Variants in PCDHGC4 observed in about 807,000 individuals in gnomAD.
The protein encoded by PCDHGC4 is protocadherin gamma-C4.
PCDHGC4 carries 15 observed loss-of-function variants against 59.7 expected under a neutral mutation model. The ratio of observed to expected loss-of-function variants is 0.25; its 90% CI spans 0.17 to 0.39. The LOEUF is 0.39. PCDHGC4 is among the 10% of genes least tolerant of loss of function. The pLI, the probability that PCDHGC4 is intolerant of heterozygous loss-of-function variation, is 1.00. For synonymous variants in PCDHGC4, 434 were observed against 481.4 expected (o/e 0.90, Z 1.29); for missense variants, 1,016 against 1,189.5 (o/e 0.85, Z 2.15).
chr5:141,490,576 G>T lies in PCDHGC4; in HGVS notation c.2442+2961G>T. On this transcript the variant is annotated intron_variant, in intron 1 of 3. Transcript: ENST00000306593. The surrounding 1 kb of genome is among the most constrained non-coding windows in gnomAD (Gnocchi z 5.4). ...TCTCACCATCAGGCTCAACATTTCA[G>T]ATGTCAATGACAATGCACCCCGCTT... 2.5e-6 allele frequency: 4 copies of T among 1,614,134 alleles called. No homozygotes were observed. The highest frequency in any genetic ancestry group is 3.4e-6 in the Non-Finnish European group (4 of 1,180,030).
At chr5:141,504,995 G>A (rs1214858212) in intron 2 of PCDHGC4, among the ~76,000 whole-genome samples, 6 of 151,980 alleles carry the variant, frequency 3.9e-5, no homozygotes, top group African/African-American at 1.5e-4. Context: ...AACCCCGTCT[G>A]TACTAAAAAT....
In PCDHGC4 at chr5:141,489,223, C is replaced by T. The variant is rs771455540; in HGVS notation, c.2442+1608C>T. The T allele has an allele frequency of 6.6e-7, 1 of 1,515,444 alleles. No homozygotes were observed. The highest frequency in any genetic ancestry group is 1.3e-5 in the South Asian group (1 of 75,776). 93.9% of individuals were successfully genotyped at this position (1,515,444 alleles called of 1,614,324 possible). A position where few individuals can be genotyped will look rare whatever the true frequency, so the allele number is the denominator to read the frequency against. The stretch of plus-strand genomic sequence containing the variant: ...CAGGACAGCACAGACTTACTCTCCA[C>T]AAAGGGACTTCTGGGTCATGGGGCC... On this transcript the variant is annotated intron_variant, in intron 1 of 3. Coordinates refer to ENST00000306593, the MANE Select transcript of PCDHGC4 (RefSeq NM_018928.3). The surrounding 1 kb of genome is among the most constrained non-coding windows in gnomAD (Gnocchi z 4.5).
chr5:141,499,073 G>T (rs2099789305), intron 2 of PCDHGC4, among the ~76,000 whole-genome samples: 1 of 152,064 alleles, frequency 6.6e-6, no homozygotes, highest in Admixed American at 6.5e-5. Flanking sequence ...CTTACATTCT[G>T]AAGTTCCTGC....
intron 3 of PCDHGC4, among the ~76,000 whole-genome samples, chr5:141,510,272 TAAAAAA>T (rs546154379): frequency 7.7e-6 from 1 of 130,390 alleles, no homozygotes; most frequent in Non-Finnish European, 1.6e-5. Context: ...GACTCCATCT[TAAAAAA>T]AAAAAAAAAA....
intron 1 of PCDHGC4, among the ~76,000 whole-genome samples, chr5:141,494,361 G>A (rs1311268562): frequency 6.6e-6 from 1 of 152,184 alleles, no homozygotes; most frequent in African/African-American, 2.4e-5. Flanking sequence ...TGCTGCAGAG[G>A]ATGCTTTGTT....
Position 141,487,642 on chromosome 5 carries a change from G to A in PCDHGC4, c.2442+27G>A, listed in dbSNP as rs747328649. 1.2e-6 allele frequency: 2 copies of A among 1,614,130 alleles called. No individual in the cohort carries two copies. The highest frequency in any genetic ancestry group is 1.3e-5 in the African/African-American group (1 of 75,062). On this transcript the variant is annotated intron_variant, in intron 1 of 3. Transcript: ENST00000306593. This position sits in a 1 kb window ranked among gnomAD's most constrained non-coding sequence, Gnocchi z 5.0. ...TGAGACCTTTGCAGGCTCAACAAAT[G>A]CTTGAGGGTTATTCTGATCCAGGCA...
Position 141,486,683 on chromosome 5 carries a change from G to T in PCDHGC4, c.1510G>T (p.Ala504Ser). The T allele has an allele frequency of 6.2e-7, 1 of 1,614,092 alleles. No homozygotes were observed. Among genetic ancestry groups the T allele is most frequent in the Non-Finnish European group, 8.5e-7 (1 of 1,180,026 alleles). ...GGAGCCCAGGAATCGAGATGTATCA[G>T]CTTCCTCTTTCATCTCTCTGAACCC... ...LLEPRNRDVSASSFISLNPQT... is the reference protein window; with the variant it reads ...LLEPRNRDVSSSSFISLNPQT... The change falls in exon 1 of 4, where the codon GCT (alanine) becomes TCT (serine). Residue 504 changes from alanine (A) to serine (S), a missense_variant. Transcript: ENST00000306593. This position sits in a 1 kb window ranked among gnomAD's most constrained non-coding sequence, Gnocchi z 5.0.
chr5:141,485,239 C>T lies in PCDHGC4; in HGVS notation c.66C>T (p.Tyr22=). ...GGGCTACCCTTTTGTTCCTCTTTTA[C>T]CACCTGGGTTACGTTTGTGGGCAGA... The part of the protein sequence containing the change: ...WRWATLLFLF[Y]HLGYVCGQIR... Residue 22 remains tyrosine (Y), a synonymous_variant, in exon 1 of 4, where the codon TAC becomes TAT. Transcript: ENST00000306593. This position sits in a 1 kb window ranked among gnomAD's most constrained non-coding sequence, Gnocchi z 5.7. The T allele has an allele frequency of 6.2e-7, 1 of 1,614,140 alleles. No homozygotes were observed. Among genetic ancestry groups the T allele is most frequent in the South Asian group, 1.1e-5 (1 of 91,072 alleles).
At chr5:141,507,432 C>T (rs2099860585) in intron 3 of PCDHGC4, 1 of 152,198 alleles carries the variant, frequency 6.6e-6, no homozygotes. Flanking sequence ...GGGGCCAGGC[C>T]TACAGCTGAC....
chr5:141,505,645 G>A (rs997169182), intron 3 of PCDHGC4, 164 bp downstream of exon 3: 2 of 964,274 alleles, frequency 2.1e-6, no homozygotes, highest in African/African-American at 1.8e-5. Flanking sequence ...GCCTGGAATT[G>A]TGGCTAAGGA....
chr5:141,485,543 G>C lies in PCDHGC4; in HGVS notation c.370G>C (p.Val124Leu). 1.9e-6 allele frequency: 3 copies of C among 1,614,092 alleles called. No homozygotes were observed. The highest frequency in any genetic ancestry group is 2.5e-6 in the Non-Finnish European group (3 of 1,179,972). Residue 124 changes from valine to leucine, a missense_variant, in exon 1 of 4, where the codon GTA becomes CTA. Coordinates refer to ENST00000306593, the MANE Select transcript of PCDHGC4 (RefSeq NM_018928.3). This position sits in a 1 kb window ranked among gnomAD's most constrained non-coding sequence, Gnocchi z 5.7. ...LEMYRAEVEI[V>L]DVNDHAPRFP... Reference sequence around the variant, plus strand: ...AATGTACCGAGCAGAGGTAGAGATCGTAGATGTGAATGATCACGCCCCCCG... The same window carrying C: ...AATGTACCGAGCAGAGGTAGAGATCCTAGATGTGAATGATCACGCCCCCCG...
Position 141,485,448 on chromosome 5 carries a change from G to A in PCDHGC4, c.275G>A (p.Arg92Gln). Residue 92 changes from arginine (R) to glutamine (Q), a missense_variant, in exon 1 of 4, where the codon CGA (arginine) becomes CAA (glutamine). By Grantham distance (43) the Arg-to-Gln change is conservative. Coordinates refer to ENST00000306593, the MANE Select transcript of PCDHGC4 (RefSeq NM_018928.3). This position sits in a 1 kb window ranked among gnomAD's most constrained non-coding sequence, Gnocchi z 5.7. ...CTGCTCATCAAGAACCCAATCGACC[G>A]AGAGGCACTGTGTGGGCTCAGTGCC... is the stretch of plus-strand genomic sequence containing the variant. Reference protein sequence around the residue: ...GALLIKNPIDREALCGLSASC... With the variant: ...GALLIKNPIDQEALCGLSASC... 1 of 1,614,154 alleles carries A rather than the reference G, an allele frequency of 6.2e-7. No homozygotes were observed.
Position 141,490,958 on chromosome 5 carries a change from A to T in PCDHGC4, c.2442+3343A>T, listed in dbSNP as rs771797392. 4.6e-5 allele frequency: 74 copies of T among 1,613,610 alleles called. No individual in the cohort carries two copies. The highest frequency in any genetic ancestry group is 1.6e-4 in the Middle Eastern group (1 of 6,084). ...CTGCACCCACGGCCAGACTGGGAAC[A>T]CTCAGCCCCCCAGCGTCTCCCTCGC... On this transcript the variant is annotated intron_variant, in intron 1 of 3. Coordinates refer to ENST00000306593, the MANE Select transcript of PCDHGC4 (RefSeq NM_018928.3). This position sits in a 1 kb window ranked among gnomAD's most constrained non-coding sequence, Gnocchi z 5.4.
rs556484142 is a variant in PCDHGC4 at position 141,503,243 on chromosome 5, CA to C, written c.2502-2149del. On this transcript the variant is annotated intron_variant, in intron 2 of 3. Coordinates refer to ENST00000306593, the MANE Select transcript of PCDHGC4 (RefSeq NM_018928.3). ...CACCGTAAAGATGGACAGTTTCTAT[CA>C]TACTCACAGCCACAACCCCAGCACC... Among the ~76,000 whole-genome samples, 232 of 152,196 alleles carry C rather than the reference CA, an allele frequency of 1.5e-3. 2 individuals carry two copies. Among genetic ancestry groups the C allele is most frequent in the African/African-American group, 5.3e-3 (219 of 41,516 alleles).
rs1345224043 is a variant in PCDHGC4, at chr5:141,487,695, C to G, written c.2442+80C>G. Reference sequence around the variant, plus strand: ...TGGCTAGGCCATGTCCTAGAGAGTACTGGCCTCTCAGTAAGTGCCCATAGT... The same window carrying G: ...TGGCTAGGCCATGTCCTAGAGAGTAGTGGCCTCTCAGTAAGTGCCCATAGT... On this transcript the variant is annotated intron_variant, in intron 1 of 3. Transcript: ENST00000306593. The surrounding 1 kb of genome is among the most constrained non-coding windows in gnomAD (Gnocchi z 5.0). 1 of 1,601,306 alleles carries G rather than the reference C, an allele frequency of 6.2e-7. No individual in the cohort carries two copies.
At position 141,485,848 on chromosome 5, in the gene PCDHGC4, C is replaced by G. The variant is rs1416763615; in HGVS notation, c.675C>G (p.Thr225=). 1.9e-6 allele frequency: 3 copies of G among 1,614,076 alleles called. No individual in the cohort carries two copies. The highest frequency in any genetic ancestry group is 1.1e-5 in the South Asian group (1 of 91,084). Residue 225 remains threonine, a synonymous_variant, in exon 1 of 4, where the codon ACC becomes ACG. Coordinates refer to ENST00000306593, the MANE Select transcript of PCDHGC4 (RefSeq NM_018928.3). This position sits in a 1 kb window ranked among gnomAD's most constrained non-coding sequence, Gnocchi z 5.7. ...VDGGNPPRSG[T]AELRVSVLDV... The stretch of plus-strand genomic sequence containing the variant: ...GAGGGAACCCGCCGAGATCTGGCAC[C>G]GCAGAGCTCCGGGTATCCGTGCTGG...
At position 141,486,679 on chromosome 5, in the gene PCDHGC4, A is replaced by G. The variant is rs1416879364; in HGVS notation, c.1506A>G (p.Val502=). The G allele has an allele frequency of 6.2e-7, 1 of 1,614,092 alleles. No individual in the cohort carries two copies. The highest frequency in any genetic ancestry group is 1.7e-5 in the Admixed American group (1 of 60,026). The change falls in exon 1 of 4, where the codon GTA becomes GTG. Residue 502 remains valine, a synonymous_variant. Coordinates refer to ENST00000306593, the MANE Select transcript of PCDHGC4 (RefSeq NM_018928.3). The surrounding 1 kb of genome is among the most constrained non-coding windows in gnomAD (Gnocchi z 5.0). Reference sequence around the variant, plus strand: ...TCCTGGAGCCCAGGAATCGAGATGTATCAGCTTCCTCTTTCATCTCTCTGA... The same window carrying G: ...TCCTGGAGCCCAGGAATCGAGATGTGTCAGCTTCCTCTTTCATCTCTCTGA... ...YSLLEPRNRD[V]SASSFISLNP...
At position 141,493,412 on chromosome 5, in the gene PCDHGC4, G is replaced by A. The variant is rs1288041038; in HGVS notation, c.2443-1395G>A. Among the ~76,000 whole-genome samples, 3 of 152,114 alleles carry A rather than the reference G, an allele frequency of 2.0e-5. No individual in the cohort carries two copies. The highest frequency in any genetic ancestry group is 4.4e-5 in the Non-Finnish European group (3 of 68,024). On this transcript the variant is annotated intron_variant, in intron 1 of 3. Coordinates refer to ENST00000306593, the MANE Select transcript of PCDHGC4 (RefSeq NM_018928.3). This position sits in a 1 kb window ranked among gnomAD's most constrained non-coding sequence, Gnocchi z 4.3. ...CAGGAGAGGGGAGTTGCCTCTGCTG[G>A]GATTTTGCTTCTGCTGGGATGGGGC...
At chr5:141,504,384 C>G (rs2099837898) in intron 2 of PCDHGC4, among the ~76,000 whole-genome samples, 1 of 152,026 alleles carries the variant, frequency 6.6e-6, no homozygotes, top group South Asian at 2.1e-4. Flanking sequence ...GAGTCGCTGC[C>G]TCACAGAAGC....
Sources: allele counts gnomAD v4.1 joint callset (sites outside exome capture counted in the v4.1 genomes callset), GRCh38; gene constraint gnomAD v4.1.1; non-coding constraint Gnocchi (gnomAD v3.1); transcripts MANE v1.5; gene names NCBI Gene and HGNC (gene_info 2026-07-23, HGNC 2026-07-21).